Variants in CSF3R observed in about 807,000 individuals in gnomAD.
CSF3R encodes the protein colony stimulating factor 3 receptor.
CSF3R carries 52 observed loss-of-function variants against 84.4 expected under a neutral mutation model. The ratio of observed to expected loss-of-function variants is 0.62; its 90% CI spans 0.49 to 0.78. The LOEUF is 0.78. CSF3R is among the 30% of genes least tolerant of loss of function. The pLI, the probability that CSF3R is intolerant of heterozygous loss-of-function variation, is 0.00. For missense variants in CSF3R, 890 were observed against 1,055.7 expected (o/e 0.84, Z 2.17); for synonymous variants, 384 against 429.1 (o/e 0.89, Z 1.30).
rs1163682960 is a variant in CSF3R, at chr1:36,475,906, A to C, written c.65-233T>G. On this transcript the variant is annotated intron_variant, in intron 3 of 16. Coordinates refer to ENST00000373106, the MANE Select transcript of CSF3R (RefSeq NM_000760.4). ...CAGCCAGCTTGGCAGAGAAAAGCAG[A>C]CCCTGGTTTGTAGTGTGTGCCTTTC... The C allele has an allele frequency of 1.1e-5, 6 of 524,176 alleles. No individual in the cohort carries two copies. The East Asian group carries it at 1.8e-4, about 16-fold the overall frequency. The allele number at this position is 524,176 out of a possible 1,614,324, so 32.5% of individuals were successfully genotyped here.
At chr1:36,474,997 CTT>C (rs370292260) in intron 4 of CSF3R, among the ~76,000 whole-genome samples, 2 of 147,546 alleles carry the variant, frequency 1.4e-5, no homozygotes, top group African/African-American at 5.0e-5. Context: ...AGGTAGTACT[CTT>C]TTTTTTTTTT....
At chr1:36,474,551 A>G (rs1251526256) in intron 4 of CSF3R, among the ~76,000 whole-genome samples, 1 of 151,894 alleles carries the variant, frequency 6.6e-6, no homozygotes, top group Non-Finnish European at 1.5e-5. Flanking sequence ...CTGACCTCAA[A>G]TGATCCACCT....
Position 36,473,554 on chromosome 1 carries a change from T to G in CSF3R, c.554A>C (p.His185Pro), listed in dbSNP as rs1428416916. 6.2e-6 allele frequency: 10 copies of G among 1,614,212 alleles called. No individual in the cohort carries two copies. The highest frequency in any genetic ancestry group is 8.5e-6 in the Non-Finnish European group (10 of 1,180,046). The change falls in exon 6 of 17, where the codon CAC (histidine) becomes CCC (proline). Residue 185 changes from histidine (H) to proline (P), a missense_variant. Transcript: ENST00000373106. The part of the protein sequence containing the change: ...LDCVPKDGQS[H>P]CCIPRKHLLL... Reference sequence around the variant, plus strand: ...CAGGTGTTTGCGTGGGATGCAGCAGTGGCTCTGCCCGTCCTTGGGCACGCA... The same window carrying G: ...CAGGTGTTTGCGTGGGATGCAGCAGGGGCTCTGCCCGTCCTTGGGCACGCA...
chr1:36,481,030 CCTT>C (rs1651487042), intron 2 of CSF3R, among the ~76,000 whole-genome samples: 1 of 152,242 alleles, frequency 6.6e-6, no homozygotes, highest in East Asian at 1.9e-4. Flanking sequence ...TGGTTGGTAA[CCTT>C]CTTACTATAG....
At chr1:36,471,710 C>G in intron 9 of CSF3R, 64 bp from the exon 10 acceptor site, 1 of 1,544,928 alleles carries the variant, frequency 6.5e-7, no homozygotes, top group South Asian at 1.1e-5. Flanking sequence ...AGGAGAGCCT[C>G]TAGGTGGGGT....
chr1:36,469,511 A>C, intron 11 of CSF3R, 141 bp downstream of exon 11: 1 of 1,063,694 alleles, frequency 9.4e-7, no homozygotes, highest in Non-Finnish European at 1.4e-6. Context: ...TTATGAGGAT[A>C]TGAAATGAGA....
chr1:36,480,276 G>C (rs978373261), intron 2 of CSF3R, among the ~76,000 whole-genome samples: 1 of 152,244 alleles, frequency 6.6e-6, no homozygotes, highest in Non-Finnish European at 1.5e-5. Context: ...CTATGGAGCA[G>C]CTGAGGCAAG....
At chr1:36,475,789 G>A in intron 3 of CSF3R, 116 bp from the exon 4 acceptor site, 1 of 1,047,282 alleles carries the variant, frequency 9.5e-7, no homozygotes, top group Non-Finnish European at 1.4e-6. Context: ...CACCCTTCAA[G>A]ATATGGGGGC....
intron 10 of CSF3R, among the ~76,000 whole-genome samples, chr1:36,470,908 C>T (rs948736987): frequency 3.3e-5 from 5 of 152,186 alleles, no homozygotes; most frequent in Non-Finnish European, 7.3e-5. Context: ...AGGCACTTGT[C>T]TTAACTCATG....
In CSF3R at chr1:36,466,887, G is replaced by T; in HGVS notation, c.2041-60C>A. On this transcript the variant is annotated intron_variant, in intron 16 of 16. Transcript: ENST00000373106. The surrounding 1 kb of genome is among the most constrained non-coding windows in gnomAD (Gnocchi z 4.6). ...ATTTCAGATGTCTGCCCCAGCCACT[G>T]TCCCTGTCTGGGTCCGGGCAGCTGT... is the stretch of plus-strand genomic sequence containing the variant. 2 of 1,614,080 alleles carry T rather than the reference G, an allele frequency of 1.2e-6. No individual in the cohort carries two copies. The highest frequency in any genetic ancestry group is 8.5e-7 in the Non-Finnish European group (1 of 1,180,014).
chr1:36,481,854 C>T (rs946776394), intron 1 of CSF3R: 1 of 152,896 alleles, frequency 6.5e-6, no homozygotes. Context: ...TCCTGGGCCC[C>T]CTGGCCCTCC....
At chr1:36,469,021 T>G in intron 12 of CSF3R, 135 bp downstream of exon 12, 1 of 714,522 alleles carries the variant, frequency 1.4e-6, no homozygotes, top group Non-Finnish European at 2.5e-6. Context: ...AGCCAGGGGA[T>G]TGGGAGAGAT....
rs1243009258 is a variant in CSF3R at position 36,466,327 on chromosome 1, G to A, written c.*30C>T. 1 of 1,612,074 alleles carries A rather than the reference G, an allele frequency of 6.2e-7. No homozygotes were observed. The highest frequency in any genetic ancestry group is 1.3e-5 in the African/African-American group (1 of 74,998). ...TCCAGCTAGCTCAGGCCTTTAAGAG[G>A]CAGGCCCAAGAAGGGAACCCCAGGA... On this transcript the variant is annotated 3_prime_UTR_variant, in exon 17 of 17. Transcript: ENST00000373106. The surrounding 1 kb of genome is among the most constrained non-coding windows in gnomAD (Gnocchi z 4.6).
At chr1:36,482,449 CAG>C (rs1651590450) in intron 1 of CSF3R, among the ~76,000 whole-genome samples, 1 of 151,990 alleles carries the variant, frequency 6.6e-6, no homozygotes. Flanking sequence ...AAGATGGAAA[CAG>C]AGAGTGAAAT....
chr1:36,468,607 C>T (rs942757441), intron 12 of CSF3R: 6 of 214,636 alleles, frequency 2.8e-5, no homozygotes, highest in African/African-American at 7.0e-5. Context: ...CATCTTGGCT[C>T]ACTACAGCCT....
In CSF3R at chr1:36,472,251, T is replaced by C; in HGVS notation, c.984A>G (p.Arg328=). 6.2e-7 allele frequency: 1 copy of C among 1,614,104 alleles called. No homozygotes were observed. Among genetic ancestry groups the C allele is most frequent in the South Asian group, 1.1e-5 (1 of 91,080 alleles). ...TCACCTCCTTACCCCGTTCGGTAGT[T>C]CTCAGCTCCAGGCTGGGGCTCCAGT... The part of the protein sequence containing the change: ...WSDWSPSLEL[R]TTERAPTVRL... Residue 328 remains arginine (R), a synonymous_variant, in exon 8 of 17, where the codon AGA becomes AGG. Coordinates refer to ENST00000373106, the MANE Select transcript of CSF3R (RefSeq NM_000760.4). The surrounding 1 kb of genome is among the most constrained non-coding windows in gnomAD (Gnocchi z 5.0).
chr1:36,481,515 G>A lies in CSF3R; in HGVS notation c.-58C>T, dbSNP rs1285425775. On this transcript the variant is annotated 5_prime_UTR_variant, in exon 2 of 17. Coordinates refer to ENST00000373106, the MANE Select transcript of CSF3R (RefSeq NM_000760.4). ...CTTGGACAAGTTACTTCACCTTTCC[G>A]AGCCGAGCCTCAGTTTCCCCATCTG... 1.3e-5 allele frequency: 2 copies of A among 152,182 alleles called. No homozygotes were observed. Among genetic ancestry groups the A allele is most frequent in the African/African-American group, 2.4e-5 (1 of 41,416 alleles). 9.4% of individuals were successfully genotyped at this position (152,182 alleles called of 1,614,324 possible).
Position 36,467,830 on chromosome 1 carries a change from A to T in CSF3R, c.1856T>A (p.Leu619Ter). 1 of 1,614,248 alleles carries T rather than the reference A, an allele frequency of 6.2e-7. No homozygotes were observed. Among genetic ancestry groups the T allele is most frequent in the Non-Finnish European group, 8.5e-7 (1 of 1,180,042 alleles). ...CCCCCGTCTCCCCTTACCTGGGGTC[A>T]AGGTCATCAGGGTGAGGACTGTACT... The part of the protein sequence containing the change: ...TNSTVLTLMT[L>*]TPEGSELHII... The change falls in exon 14 of 17, where the codon TTG (leucine) becomes TAG (stop). Residue 619 changes from leucine to a stop codon, truncating the protein, a stop_gained. Coordinates refer to ENST00000373106, the MANE Select transcript of CSF3R (RefSeq NM_000760.4). LOFTEE classifies it high-confidence loss of function. This position sits in a 1 kb window ranked among gnomAD's most constrained non-coding sequence, Gnocchi z 4.1.
intron 12 of CSF3R, 57 bp downstream of exon 12, chr1:36,469,099 C>T: frequency 7.8e-7 from 1 of 1,279,572 alleles, no homozygotes. Context: ...GGGGACCAGG[C>T]AGAGCCTTGG....
Sources: gnomAD v4.1 joint callset for allele counts (sites outside exome capture counted in the v4.1 genomes callset) on GRCh38, gnomAD v4.1.1 for gene constraint, Gnocchi (gnomAD v3.1) non-coding constraint, MANE v1.5 for transcripts, NCBI Gene and HGNC (gene_info 2026-07-23, HGNC 2026-07-21) for gene names.